NPSR1: variants seen among roughly 807,000 people sequenced by gnomAD.
NPSR1 encodes the protein neuropeptide S receptor 1.
NPSR1 carries 48 observed loss-of-function variants against 46.9 expected under a neutral mutation model. The ratio of observed to expected loss-of-function variants is 1.02; its 90% CI spans 0.81 to 1.30. The LOEUF (loss-of-function observed/expected upper bound fraction) is 1.30, where lower values mean the gene tolerates loss of function less well. NPSR1 is among the 50% of genes most tolerant of loss of function. The pLI is 0.00. For synonymous variants in NPSR1, 176 were observed against 168.1 expected (o/e 1.05, Z -0.36); for missense variants, 450 against 449.5 (o/e 1.00, Z -0.01).
intron 7 of NPSR1, among the ~76,000 whole-genome samples, chr7:34,847,645 T>C (rs1299797658): frequency 6.6e-6 from 1 of 152,042 alleles, no homozygotes; most frequent in Non-Finnish European, 1.5e-5. Context: ...GCAGAGTGAA[T>C]CTTCTCTTAC....
chr7:34,714,351 A>G (rs1388370789), intron 2 of NPSR1, among the ~76,000 whole-genome samples: 2 of 152,222 alleles, frequency 1.3e-5, no homozygotes, highest in Non-Finnish European at 2.9e-5. Context: ...GGTGCGAATA[A>G]TATGAAACTT....
chr7:34,857,395 A>G (rs566246211), intron 8 of NPSR1, among the ~76,000 whole-genome samples: 3 of 151,910 alleles, frequency 2.0e-5, no homozygotes, highest in Admixed American at 2.0e-4. Flanking sequence ...AAGCTGTGGT[A>G]TGGGCGCTAA....
intron 8 of NPSR1, among the ~76,000 whole-genome samples, chr7:34,876,829 A>G (rs1791586388): frequency 6.6e-6 from 1 of 152,202 alleles, no homozygotes; most frequent in African/African-American, 2.4e-5. Context: ...GCTTTCTTTG[A>G]GCAAGGTTAG....
chr7:34,826,178 A>T (rs1562757967), intron 4 of NPSR1, among the ~76,000 whole-genome samples: 1 of 152,172 alleles, frequency 6.6e-6, no homozygotes, highest in Non-Finnish European at 1.5e-5. Flanking sequence ...GGAACAGGAA[A>T]GACCTTAATC....
At chr7:34,854,157 C>G (rs1485208833), downstream of NPSR1, among the ~76,000 whole-genome samples, 3 of 151,776 alleles carry the variant, frequency 2.0e-5, no homozygotes, top group African/African-American at 7.3e-5. Context: ...AGTAGAAATG[C>G]AAAAACATAC....
chr7:34,723,052 C>T (rs35018706), intron 2 of NPSR1, among the ~76,000 whole-genome samples: 1,633 of 152,190 alleles, frequency 0.011, 32 homozygotes, highest in African/African-American at 0.037. Flanking sequence ...GAGAAGAAAG[C>T]ACTGCTCCCT....
chr7:34,792,581 G>GTA (rs1194346028), intron 3 of NPSR1, among the ~76,000 whole-genome samples: 24 of 136,214 alleles, frequency 1.8e-4, no homozygotes, highest in Middle Eastern at 4.1e-3. Flanking sequence ...ATGTGTGTGT[G>GTA]TATATATATA....
At chr7:34,763,062 A>T (rs1013400205) in intron 2 of NPSR1, among the ~76,000 whole-genome samples, 4 of 152,306 alleles carry the variant, frequency 2.6e-5, no homozygotes, top group Non-Finnish European at 5.9e-5. Flanking sequence ...AATATGTTTA[A>T]TTGGACAACA....
intron 2 of NPSR1, among the ~76,000 whole-genome samples, chr7:34,777,645 G>C (rs73325784): frequency 0.017 from 2,577 of 152,196 alleles, 41 homozygotes; most frequent in African/African-American, 0.042. Flanking sequence ...AAGAGGGAAC[G>C]ATCAGTGGAA....
intron 2 of NPSR1, among the ~76,000 whole-genome samples, chr7:34,775,671 A>G (rs1425224863): frequency 6.6e-6 from 1 of 152,104 alleles, no homozygotes; most frequent in Non-Finnish European, 1.5e-5. Context: ...TGACATTTCA[A>G]AAATCCAACT....
At position 34,688,305 on chromosome 7, in the gene NPSR1, C is replaced by A. The variant is rs184282622; in HGVS notation, c.280+3621C>A. On this transcript the variant is annotated intron_variant, in intron 2 of 8. Coordinates refer to ENST00000360581, the MANE Select transcript of NPSR1 (RefSeq NM_207172.2). ...CTTGATTAAAAAATAACCAGGAAGG[C>A]AACAATACAATAATTGATGAAAAAC... 9.2e-5 allele frequency among the ~76,000 whole-genome samples: 14 copies of A among 152,182 alleles called. 1 individual carries two copies. The highest frequency in any genetic ancestry group is 2.1e-4 in the Non-Finnish European group (14 of 68,000).
At chr7:34,849,337 TCTAC>T (rs763998104) in intron 8 of NPSR1, 1 of 1,550,348 alleles carries the variant, frequency 6.5e-7, no homozygotes, top group Non-Finnish European at 8.7e-7. Context: ...AATAGCAGTG[TCTAC>T]CTGTTGGCCT....
At chr7:34,700,305 A>AG (rs1793756041) in intron 2 of NPSR1, among the ~76,000 whole-genome samples, 1 of 152,234 alleles carries the variant, frequency 6.6e-6, no homozygotes, top group Non-Finnish European at 1.5e-5. Flanking sequence ...AACTCAGTGC[A>AG]ACGATTGTAC....
chr7:34,850,675 C>T (rs1057249252), downstream of NPSR1, among the ~76,000 whole-genome samples: 7 of 152,154 alleles, frequency 4.6e-5, no homozygotes, highest in Non-Finnish European at 5.9e-5. Flanking sequence ...GCTGGGATTA[C>T]AGGCATGAGC....
intron 8 of NPSR1, among the ~76,000 whole-genome samples, chr7:34,862,223 G>A (rs1791206215): frequency 3.3e-5 from 5 of 151,624 alleles, no homozygotes; most frequent in Admixed American, 2.6e-4. Context: ...GCGTAATTGC[G>A]GGAGTGGGAG....
intron 2 of NPSR1, among the ~76,000 whole-genome samples, chr7:34,703,175 C>T (rs977830269): frequency 1.3e-5 from 2 of 152,034 alleles, no homozygotes; most frequent in East Asian, 1.9e-4. Context: ...CTGGCTAACA[C>T]GGTGAAACCC....
chr7:34,756,061 C>T (rs977826308), intron 2 of NPSR1, among the ~76,000 whole-genome samples: 23 of 152,124 alleles, frequency 1.5e-4, no homozygotes, highest in African/African-American at 5.6e-4. Flanking sequence ...ATTACACAGC[C>T]TCTGATTACA....
chr7:34,820,740 G>A (rs957077650), intron 4 of NPSR1, among the ~76,000 whole-genome samples: 8 of 152,136 alleles, frequency 5.3e-5, no homozygotes, highest in East Asian at 3.8e-4. Context: ...TGGGGTGGGC[G>A]AAGCTTCCAG....
intron 8 of NPSR1, among the ~76,000 whole-genome samples, chr7:34,873,076 G>C (rs909312063): frequency 1.3e-5 from 2 of 151,766 alleles, no homozygotes; most frequent in Admixed American, 1.3e-4. Context: ...AGAGCCTTAG[G>C]GCCTGGACAA....
Sources: gnomAD v4.1 joint callset for allele counts (sites outside exome capture counted in the v4.1 genomes callset) on GRCh38, gnomAD v4.1.1 for gene constraint, MANE v1.5 for transcripts, NCBI Gene and HGNC (gene_info 2026-07-23, HGNC 2026-07-21) for gene names.